SGCZ: variants seen among roughly 807,000 people sequenced by gnomAD.
SGCZ encodes the protein sarcoglycan zeta, also known as zeta-sarcoglycan.
Under a neutral mutation model 41.3 loss-of-function variants are expected in SGCZ, and 40 were observed. The observed-to-expected ratio is 0.97, with a 90% CI of 0.75 to 1.26. The LOEUF (loss-of-function observed/expected upper bound fraction) is 1.26. Among genes scored for constraint, SGCZ ranks in the 50% most tolerant of loss-of-function variants. SGCZ has a pLI of 0.00. For synonymous variants in SGCZ, 206 were observed against 137.5 expected (o/e 1.50, Z -3.49); for missense variants, 552 against 369.8 (o/e 1.49, Z -4.04).
chr8:15,060,176 C>A (rs1230031927), intron 1 of SGCZ, among the ~76,000 whole-genome samples: 3 of 152,038 alleles, frequency 2.0e-5, no homozygotes, highest in Non-Finnish European at 4.4e-5. Flanking sequence ...TGGGTATATA[C>A]CCAAAGGATT....
intron 5 of SGCZ, among the ~76,000 whole-genome samples, chr8:14,159,166 A>G (rs79084523): frequency 0.036 from 5,546 of 152,152 alleles, 321 homozygotes; most frequent in African/African-American, 0.13. Context: ...CTAAGACCTA[A>G]AGCTATAAGA....
chr8:14,110,313 T>C (rs575372331), intron 5 of SGCZ, among the ~76,000 whole-genome samples: 42 of 152,288 alleles, frequency 2.8e-4, no homozygotes, highest in South Asian at 6.2e-4. Flanking sequence ...TTCATGATTA[T>C]GAAAATTTCC....
intron 2 of SGCZ, among the ~76,000 whole-genome samples, chr8:14,501,191 T>C (rs1287269785): frequency 6.6e-6 from 1 of 151,794 alleles, no homozygotes; most frequent in Admixed American, 6.6e-5. Flanking sequence ...TGTAGTATCA[T>C]AGAAACTCAC....
intron 2 of SGCZ, among the ~76,000 whole-genome samples, chr8:14,520,981 C>T (rs986450166): frequency 6.6e-6 from 1 of 152,076 alleles, no homozygotes; most frequent in Non-Finnish European, 1.5e-5. Flanking sequence ...TATATAATTG[C>T]TTTAATTACA....
chr8:15,094,848 G>A (rs1490082871), intron 1 of SGCZ, among the ~76,000 whole-genome samples: 2 of 152,058 alleles, frequency 1.3e-5, no homozygotes, highest in Non-Finnish European at 2.9e-5. Flanking sequence ...ACCCTGTCAA[G>A]AGGTACCTTC....
chr8:14,884,336 G>C (rs1804706512), intron 1 of SGCZ, among the ~76,000 whole-genome samples: 1 of 152,110 alleles, frequency 6.6e-6, no homozygotes, highest in Non-Finnish European at 1.5e-5. Context: ...ATGACACTGA[G>C]TTAAGGAACA....
chr8:14,283,450 TGTCATTATCC>T (rs761878706), intron 3 of SGCZ, among the ~76,000 whole-genome samples: 107 of 152,272 alleles, frequency 7.0e-4, no homozygotes, highest in Non-Finnish European at 1.3e-3. Flanking sequence ...CTTAGAAAAA[TGTCATTATCC>T]GTATGTGCTC....
intron 1 of SGCZ, among the ~76,000 whole-genome samples, chr8:14,828,850 C>T (rs936798490): frequency 6.6e-6 from 1 of 152,140 alleles, no homozygotes; most frequent in Non-Finnish European, 1.5e-5. Context: ...CATAACAATG[C>T]TTCCACTCAT....
In SGCZ at chr8:14,588,200, GAA is replaced by G. The variant is rs34495643; in HGVS notation, c.40-33276_40-33275del. ...AGGAATAGCCATTGATTACCCAGAA[GAA>G]AAAAAAAAAAACTGCCTCATCCATC... On this transcript the variant is annotated intron_variant, in intron 1 of 7. Coordinates refer to ENST00000382080, the MANE Select transcript of SGCZ (RefSeq NM_139167.4). Among the ~76,000 whole-genome samples, 1,306 of 145,786 alleles carry G rather than the reference GAA, an allele frequency of 9.0e-3. 15 individuals carry two copies. Among genetic ancestry groups the G allele is most frequent in the African/African-American group, 0.031 (1,228 of 40,038 alleles).
chr8:15,018,981 C>T (rs150321560), intron 1 of SGCZ, among the ~76,000 whole-genome samples: 711 of 152,260 alleles, frequency 4.7e-3, no homozygotes, highest in East Asian at 0.011. Context: ...ATGGCCGGAG[C>T]AGGAGAGGAG....
chr8:15,039,125 G>A (rs915793197), intron 1 of SGCZ, among the ~76,000 whole-genome samples: 2 of 152,116 alleles, frequency 1.3e-5, no homozygotes, highest in Middle Eastern at 3.4e-3. Flanking sequence ...ACTCACTACC[G>A]GTATATAGCC....
intron 1 of SGCZ, among the ~76,000 whole-genome samples, chr8:14,858,417 G>A (rs909069266): frequency 1.3e-5 from 2 of 152,074 alleles, no homozygotes; most frequent in Non-Finnish European, 2.9e-5. Flanking sequence ...CAATTGTAGT[G>A]TGACAATTAT....
chr8:14,296,979 T>C (rs977062577), intron 3 of SGCZ, among the ~76,000 whole-genome samples: 5 of 152,130 alleles, frequency 3.3e-5, no homozygotes, highest in African/African-American at 1.2e-4. Flanking sequence ...TGGAATGCAA[T>C]GGCATGATCT....
At chr8:14,549,093 A>G (rs1260233832) in intron 2 of SGCZ, among the ~76,000 whole-genome samples, 2 of 152,090 alleles carry the variant, frequency 1.3e-5, no homozygotes, top group Non-Finnish European at 2.9e-5. Flanking sequence ...AATTACCAGC[A>G]TATCTTGCCT....
At chr8:15,166,547 C>T (rs1346063685) in intron 1 of SGCZ, among the ~76,000 whole-genome samples, 3 of 152,018 alleles carry the variant, frequency 2.0e-5, no homozygotes, top group African/African-American at 4.8e-5. Flanking sequence ...CACGCCTGGC[C>T]GATGCACAAC....
At chr8:14,863,597 G>A (rs1424507652) in intron 1 of SGCZ, among the ~76,000 whole-genome samples, 1 of 152,144 alleles carries the variant, frequency 6.6e-6, no homozygotes, top group Admixed American at 6.6e-5. Flanking sequence ...CACTTTCACT[G>A]CTTTAAGGAT....
chr8:14,713,785 G>C (rs1809598669), intron 1 of SGCZ, among the ~76,000 whole-genome samples: 1 of 151,540 alleles, frequency 6.6e-6, no homozygotes, highest in African/African-American at 2.4e-5. Context: ...ATGTTAATTT[G>C]TTATTGTCAC....
intron 1 of SGCZ, among the ~76,000 whole-genome samples, chr8:14,721,322 C>A (rs1809880290): frequency 6.6e-6 from 1 of 152,128 alleles, no homozygotes; most frequent in Non-Finnish European, 1.5e-5. Flanking sequence ...TATCCAGCTG[C>A]CTCATGGACA....
chr8:14,127,520 A>G (rs943509997), intron 5 of SGCZ, among the ~76,000 whole-genome samples: 1 of 152,106 alleles, frequency 6.6e-6, no homozygotes, highest in Non-Finnish European at 1.5e-5. Flanking sequence ...CAGTGGCACA[A>G]TCTCGGCTCA....
Sources: allele counts gnomAD v4.1 joint callset (sites outside exome capture counted in the v4.1 genomes callset), GRCh38; gene constraint gnomAD v4.1.1; transcripts MANE v1.5; gene names NCBI Gene and HGNC (gene_info 2026-07-23, HGNC 2026-07-21).